Variants in CLPB observed in about 807,000 individuals in gnomAD.
The protein encoded by CLPB is ClpB family mitochondrial disaggregase, also known as mitochondrial disaggregase.
A neutral mutation model predicts 78.4 loss-of-function variants in CLPB; 40 were observed. The ratio of observed to expected loss-of-function variants is 0.51; its 90% confidence interval spans 0.40 to 0.66. The LOEUF (loss-of-function observed/expected upper bound fraction) is 0.66, where lower values mean the gene tolerates loss of function less well. Ranked by LOEUF, CLPB falls within the 30% of genes least tolerant of loss-of-function variation. The probability of loss-of-function intolerance (pLI) is 0.00; values close to 1 mark genes in which losing one functional copy is unlikely to be tolerated. For missense variants in CLPB, 780 were observed against 886.9 expected, an observed-to-expected ratio of 0.88 and a Z score of 1.53; for synonymous variants, 333 against 348.0, an observed-to-expected ratio of 0.96 and a Z score of 0.48.
chr11:72,322,993 C>G (rs1464246805), intron 6 of CLPB, among the ~76,000 whole-genome samples: 1 of 152,106 alleles, frequency 6.6e-6, no homozygotes, highest in Non-Finnish European at 1.5e-5. Context: ...AACAGTAACC[C>G]TTGTAGTCTG....
intron 3 of CLPB, among the ~76,000 whole-genome samples, chr11:72,386,006 A>G (rs533998881): frequency 9.5e-4 from 145 of 152,326 alleles, no homozygotes; most frequent in African/African-American, 3.3e-3. Context: ...TTTACATCAA[A>G]AAGTATAAGC....
intron 2 of CLPB, among the ~76,000 whole-genome samples, chr11:72,417,271 A>C (rs1380499786): frequency 6.6e-6 from 1 of 152,272 alleles, no homozygotes. Flanking sequence ...GGAATAAAGT[A>C]CTGATATATG....
Position 72,434,524 on chromosome 11 carries a change from C to T in CLPB, c.-50G>A. 3 of 1,508,652 alleles carry T rather than the reference C, an allele frequency of 2.0e-6. No homozygotes were observed. Among genetic ancestry groups the T allele is most frequent in the African/African-American group, 1.4e-5 (1 of 71,612 alleles). 93.5% of individuals were successfully genotyped at this position (1,508,652 alleles called of 1,614,324 possible). A position where few individuals can be genotyped will look rare whatever the true frequency, so the allele number is the denominator to read the frequency against. ...GTGGTGCCGGCCCCTGTGCTGACCA[C>T]GTCCAACATGGCTGCCGCGGCGCGT... On this transcript the variant is annotated 5_prime_UTR_variant, in exon 1 of 16. The change creates a new upstream start codon in the 5' untranslated region. Coordinates refer to ENST00000538039, the MANE Select transcript of CLPB (RefSeq NM_001258392.3).
At chr11:72,293,708 C>T (rs571560730) in intron 15 of CLPB, 93 bp from the exon 16 acceptor site, 1 of 1,420,780 alleles carries the variant, frequency 7.0e-7, no homozygotes, top group Non-Finnish European at 9.4e-7. Flanking sequence ...ACTCAGAGAC[C>T]TCCTTTGAGC....
At chr11:72,431,814 G>A (rs1856553169) in intron 1 of CLPB, among the ~76,000 whole-genome samples, 1 of 152,204 alleles carries the variant, frequency 6.6e-6, no homozygotes, top group African/African-American at 2.4e-5. Context: ...ACTGCACTGA[G>A]GGTCAAAACT....
At chr11:72,330,247 T>C (rs1469819979) in intron 5 of CLPB, among the ~76,000 whole-genome samples, 1 of 150,938 alleles carries the variant, frequency 6.6e-6, no homozygotes, top group Non-Finnish European at 1.5e-5. Flanking sequence ...CCTTCTTTGT[T>C]TTCTGCTACT....
At chr11:72,323,174 G>A (rs1950072970) in intron 6 of CLPB, among the ~76,000 whole-genome samples, 1 of 152,240 alleles carries the variant, frequency 6.6e-6, no homozygotes, top group South Asian at 2.1e-4. Flanking sequence ...CCCACAGGGT[G>A]TTCTTGCCAG....
chr11:72,305,831 C>T (rs916681222), intron 9 of CLPB, among the ~76,000 whole-genome samples: 2 of 152,224 alleles, frequency 1.3e-5, no homozygotes, highest in Non-Finnish European at 2.9e-5. Flanking sequence ...TTTCCTTCTA[C>T]TTCTACTGTG....
At chr11:72,375,622 A>C (rs1275736636) in intron 4 of CLPB, among the ~76,000 whole-genome samples, 1 of 152,180 alleles carries the variant, frequency 6.6e-6, no homozygotes, top group Non-Finnish European at 1.5e-5. Context: ...CAATACTTAC[A>C]GCAGTGCTGC....
At chr11:72,365,393 T>C (rs1370589990) in intron 4 of CLPB, among the ~76,000 whole-genome samples, 1 of 152,194 alleles carries the variant, frequency 6.6e-6, no homozygotes, top group Non-Finnish European at 1.5e-5. Flanking sequence ...GAAAGTAAAT[T>C]AGTGGTTGCC....
intron 5 of CLPB, among the ~76,000 whole-genome samples, chr11:72,340,524 T>C (rs1446289895): frequency 6.6e-6 from 1 of 152,250 alleles, no homozygotes; most frequent in African/African-American, 2.4e-5. Flanking sequence ...TCCATACTTC[T>C]TGGCATAAGC....
At chr11:72,409,781 C>T (rs1314514155) in intron 2 of CLPB, among the ~76,000 whole-genome samples, 1 of 152,108 alleles carries the variant, frequency 6.6e-6, no homozygotes, top group African/African-American at 2.4e-5. Flanking sequence ...AGTTCGAGAT[C>T]AGCCTGGCTA....
At chr11:72,384,100 G>C (rs1855005115) in intron 3 of CLPB, among the ~76,000 whole-genome samples, 1 of 152,142 alleles carries the variant, frequency 6.6e-6, no homozygotes, top group Non-Finnish European at 1.5e-5. Context: ...ATTGTAGTGA[G>C]CTGAGATCAA....
Position 72,430,353 on chromosome 11 carries a change from C to A in CLPB, c.414G>T (p.Leu138=). ...SKSPSNKDAA[L]LEAARANNMQ... ...TATTGTTGGCACGGGCAGCTTCCAACAGGGCTGCATCTGAAGAGAAAGGGG... is the reference window on the plus strand; with the variant it reads ...TATTGTTGGCACGGGCAGCTTCCAAAAGGGCTGCATCTGAAGAGAAAGGGG... The change falls in exon 2 of 16, where the codon CTG becomes CTT. Residue 138 remains leucine (L), a synonymous_variant. Transcript: ENST00000538039. 1.2e-6 allele frequency: 2 copies of A among 1,613,184 alleles called. No individual in the cohort carries two copies. The highest frequency in any genetic ancestry group is 8.5e-7 in the Non-Finnish European group (1 of 1,179,846).
chr11:72,326,340 G>C (rs748559748), intron 6 of CLPB, among the ~76,000 whole-genome samples: 16 of 152,070 alleles, frequency 1.1e-4, no homozygotes, highest in Non-Finnish European at 2.2e-4. Context: ...TGGTTTACTT[G>C]CCTGTCTCCC....
chr11:72,335,250 C>T (rs2135559582), intron 5 of CLPB, among the ~76,000 whole-genome samples: 1 of 152,264 alleles, frequency 6.6e-6, no homozygotes, highest in African/African-American at 2.4e-5. Context: ...AGGCCTGGCT[C>T]ACTGGTGCTG....
chr11:72,299,637 T>C (rs1949618773), intron 11 of CLPB, among the ~76,000 whole-genome samples: 1 of 152,240 alleles, frequency 6.6e-6, no homozygotes, highest in African/African-American at 2.4e-5. Flanking sequence ...GAATTAAAAC[T>C]ACTGTTGAAT....
intron 4 of CLPB, among the ~76,000 whole-genome samples, chr11:72,378,838 A>G (rs962590956): frequency 1.6e-4 from 25 of 152,336 alleles, no homozygotes; most frequent in Admixed American, 3.9e-4. Context: ...GGAGGAGAGA[A>G]AGGACATATG....
At chr11:72,372,348 C>T (rs1409792828) in intron 4 of CLPB, among the ~76,000 whole-genome samples, 2 of 152,180 alleles carry the variant, frequency 1.3e-5, no homozygotes, top group Admixed American at 1.3e-4. Context: ...TACTATGCTG[C>T]CTCCCAATAA....
Sources: allele counts gnomAD v4.1 joint callset (sites outside exome capture counted in the v4.1 genomes callset), GRCh38; gene constraint gnomAD v4.1.1; transcripts MANE v1.5; gene names NCBI Gene and HGNC (gene_info 2026-07-23, HGNC 2026-07-21).